Variants in KCTD13 observed in about 807,000 individuals in gnomAD.
KCTD13 encodes BTB/POZ domain-containing adapter for CUL3-mediated RhoA degradation protein 1.
In KCTD13, 15 loss-of-function variants were observed where a neutral mutation model predicts 32.3. The observed-to-expected ratio is 0.46, with a 90% CI of 0.31 to 0.71. The LOEUF (loss-of-function observed/expected upper bound fraction) is 0.71, where lower values mean the gene tolerates loss of function less well. KCTD13 is among the 30% of genes least tolerant of loss of function. The probability of loss-of-function intolerance (pLI) is 0.05; values close to 1 mark genes in which losing one functional copy is unlikely to be tolerated. For missense variants in KCTD13, 337 were observed against 452.6 expected (o/e 0.74, Z 2.32); for synonymous variants, 189 against 200.1 (o/e 0.94, Z 0.47).
chr16:29,911,746 G>A (rs180736395), intron 4 of KCTD13, 69 bp downstream of exon 4: 864 of 1,563,490 alleles, frequency 5.5e-4, no homozygotes, highest in Non-Finnish European at 7.2e-4. Flanking sequence ...CGTGGCCCTC[G>A]CCTTGGGCAG....
intron 2 of KCTD13, chr16:29,921,634 T>C (rs1164689527): frequency 6.6e-6 from 1 of 152,116 alleles, no homozygotes; most frequent in Admixed American, 6.6e-5. Flanking sequence ...ATTAGTAAAT[T>C]TAAAACTACA....
In KCTD13 at chr16:29,916,309, G is replaced by A. The variant is rs1021693118; in HGVS notation, c.415-4260C>T. On this transcript the variant is annotated intron_variant, in intron 2 of 5. Coordinates refer to ENST00000568000, the MANE Select transcript of KCTD13 (RefSeq NM_178863.5). The stretch of plus-strand genomic sequence containing the variant: ...TCACTATATTGCTCAGGCTGGTCTC[G>A]AACTCCTGAACTCAAGTGATCCTCC... Among the ~76,000 whole-genome samples the A allele has an allele frequency of 2.6e-5, 4 of 152,044 alleles. No individual in the cohort carries two copies. The South Asian group carries it at 6.2e-4, about 24-fold the overall frequency.
At chr16:29,925,481 G>A (rs186805902) in intron 1 of KCTD13, 2 of 439,260 alleles carry the variant, frequency 4.6e-6, no homozygotes, top group East Asian at 5.0e-5. Flanking sequence ...TGAGCTGAGG[G>A]GTGAAGGGTG....
intron 5 of KCTD13, among the ~76,000 whole-genome samples, chr16:29,908,409 GA>G: frequency 6.6e-6 from 1 of 152,070 alleles, no homozygotes; most frequent in African/African-American, 2.4e-5. Flanking sequence ...TCCTGAGACA[GA>G]GTCTTGCTCT....
intron 2 of KCTD13, 177 bp from the exon 3 acceptor site, chr16:29,912,226 G>A: frequency 1.6e-6 from 1 of 636,838 alleles, no homozygotes; most frequent in Middle Eastern, 3.9e-4. Flanking sequence ...CTGGGCCTTG[G>A]TCCCACGGAC....
chr16:29,918,453 T>C lies in KCTD13; in HGVS notation c.414+4737A>G, dbSNP rs527658509. On this transcript the variant is annotated intron_variant, in intron 2 of 5. Transcript: ENST00000568000. ...TTCTAAACAAAATGTTTAATATCAGTCATTTTATTTATTTTATTATTTATT... is the reference window on the plus strand; with the variant it reads ...TTCTAAACAAAATGTTTAATATCAGCCATTTTATTTATTTTATTATTTATT... 2.6e-5 allele frequency among the ~76,000 whole-genome samples: 4 copies of C among 152,294 alleles called. No homozygotes were observed. In the East Asian group the frequency reaches 5.8e-4, roughly 22 times the overall value.
At chr16:29,911,727 C>A in intron 4 of KCTD13, 88 bp downstream of exon 4, 1 of 1,410,868 alleles carries the variant, frequency 7.1e-7, no homozygotes, top group East Asian at 2.3e-5. Context: ...TGTAGGCCCC[C>A]CGTGTGGCCG....
chr16:29,910,397 A>AAATAAT (rs142518050), intron 5 of KCTD13, among the ~76,000 whole-genome samples: 5 of 151,250 alleles, frequency 3.3e-5, no homozygotes, highest in African/African-American at 9.7e-5. Flanking sequence ...ACTCCATCTC[A>AAATAAT]AATAATAATA....
chr16:29,923,581 G>A (rs2068948862), intron 1 of KCTD13, among the ~76,000 whole-genome samples: 1 of 152,152 alleles, frequency 6.6e-6, no homozygotes. Flanking sequence ...AAGGATTCCA[G>A]CCAGGCGCGG....
intron 2 of KCTD13, among the ~76,000 whole-genome samples, chr16:29,919,133 A>G (rs2068863875): frequency 6.6e-6 from 1 of 152,176 alleles, no homozygotes; most frequent in Non-Finnish European, 1.5e-5. Context: ...GTTTACAGGA[A>G]ATTAAGGATA....
rs1261691208 is a variant in KCTD13 at position 29,906,502 on chromosome 16, C to T, written c.*370G>A. On this transcript the variant is annotated 3_prime_UTR_variant, in exon 6 of 6. Coordinates refer to ENST00000568000, the MANE Select transcript of KCTD13 (RefSeq NM_178863.5). ...GGAGGGGGCGGACTACCCTGCAGGA[C>T]GCGGGAGGCTGCTCAGACTGTGGTG... 2.1e-6 allele frequency: 1 copy of T among 473,370 alleles called. No individual in the cohort carries two copies. The allele number at this position is 473,370 out of a possible 1,614,324, so 29.3% of individuals were successfully genotyped here.
chr16:29,916,412 C>G (rs2068810517), intron 2 of KCTD13, among the ~76,000 whole-genome samples: 1 of 152,136 alleles, frequency 6.6e-6, no homozygotes, highest in Admixed American at 6.6e-5. Flanking sequence ...ACTCCTTAAG[C>G]TTTTACTAAC....
rs878899698 is a variant in KCTD13 at position 29,926,085 on chromosome 16, C to T, written c.-52G>A. ...CCCAGGATCTCTCCGCGCCCTGCGG[C>T]CTGCTCCCGAAGACCCTCGGCCGGC... On this transcript the variant is annotated 5_prime_UTR_variant, in exon 1 of 6. Coordinates refer to ENST00000568000, the MANE Select transcript of KCTD13 (RefSeq NM_178863.5). 6.9e-7 allele frequency: 1 copy of T among 1,444,718 alleles called. No homozygotes were observed. Among genetic ancestry groups the T allele is most frequent in the Admixed American group, 2.9e-5 (1 of 34,522 alleles). The allele number at this position is 1,444,718 out of a possible 1,614,324, so 89.5% of individuals were successfully genotyped here. A position where few individuals can be genotyped will look rare whatever the true frequency, so the allele number is the denominator to read the frequency against.
intron 2 of KCTD13, 83 bp downstream of exon 2, chr16:29,923,107 C>A: frequency 6.8e-7 from 1 of 1,463,680 alleles, no homozygotes; most frequent in Non-Finnish European, 9.3e-7. Context: ...CAAGCCATAC[C>A]CCATATCTCC....
At chr16:29,922,879 A>T in intron 2 of KCTD13, 1 of 425,162 alleles carries the variant, frequency 2.4e-6, no homozygotes, top group East Asian at 3.4e-5. Context: ...TAAGCAAGAG[A>T]GAGAATAGAT....
In KCTD13 at chr16:29,910,967, G is replaced by C; in HGVS notation, c.753+11C>G. ...CCCAGCCCCCAACATAGGCTCTGGAGCCCCTCTGACCTTGGTCTGCTTCTT... is the reference window on the plus strand; with the variant it reads ...CCCAGCCCCCAACATAGGCTCTGGACCCCCTCTGACCTTGGTCTGCTTCTT... On this transcript the variant is annotated intron_variant, in intron 5 of 5. Coordinates refer to ENST00000568000, the MANE Select transcript of KCTD13 (RefSeq NM_178863.5). The C allele has an allele frequency of 6.2e-7, 1 of 1,611,456 alleles. No homozygotes were observed. Among genetic ancestry groups the C allele is most frequent in the Non-Finnish European group, 8.5e-7 (1 of 1,178,264 alleles).
chr16:29,923,180 A>C lies in KCTD13; in HGVS notation c.414+10T>G. ...AGGAACATAGGCATGGGGACTCCGA[A>C]GGCCCTCACCTGCAGCGCCAGCTGG... On this transcript the variant is annotated intron_variant, in intron 2 of 5. Coordinates refer to ENST00000568000, the MANE Select transcript of KCTD13 (RefSeq NM_178863.5). 1 of 1,613,814 alleles carries C rather than the reference A, an allele frequency of 6.2e-7. No individual in the cohort carries two copies. The highest frequency in any genetic ancestry group is 8.5e-7 in the Non-Finnish European group (1 of 1,179,804).
chr16:29,923,485 G>A (rs368258196), intron 1 of KCTD13, 126 bp from the exon 2 acceptor site: 3 of 749,110 alleles, frequency 4.0e-6, no homozygotes, highest in African/African-American at 1.8e-5. Context: ...TTGAACTCCT[G>A]GGCTCAAGTG....
chr16:29,923,866 A>G (rs992825102), intron 1 of KCTD13, among the ~76,000 whole-genome samples: 2 of 150,544 alleles, frequency 1.3e-5, no homozygotes. Flanking sequence ...AAACAAAAAA[A>G]TAAAAAAAGA....
Sources: allele counts gnomAD v4.1 joint callset (sites outside exome capture counted in the v4.1 genomes callset), GRCh38; gene constraint gnomAD v4.1.1; transcripts MANE v1.5; gene names NCBI Gene and HGNC (gene_info 2026-07-23, HGNC 2026-07-21).